LMO2: variants seen among roughly 807,000 people sequenced by gnomAD.
The protein encoded by LMO2 is LIM domain only 2.
In LMO2, 20 loss-of-function variants were observed where a neutral mutation model predicts 23.2. The observed-to-expected ratio is 0.86, with a 90% CI of 0.61 to 1.25. The LOEUF (loss-of-function observed/expected upper bound fraction) is 1.25, where lower values mean the gene tolerates loss of function less well. Ranked by LOEUF, LMO2 falls within the 50% of genes most tolerant of loss-of-function variation. The probability of loss-of-function intolerance (pLI) is 0.00; values close to 1 mark genes in which losing one functional copy is unlikely to be tolerated. For missense variants in LMO2, 270 were observed against 315.3 expected, an observed-to-expected ratio of 0.86 and a Z score of 1.09; for synonymous variants, 123 against 130.2, an observed-to-expected ratio of 0.94 and a Z score of 0.38.
chr11:33,867,943 CTCAGTTT>C (rs1158849830), intron 4 of LMO2, among the ~76,000 whole-genome samples: 1 of 152,210 alleles, frequency 6.6e-6, no homozygotes, highest in Non-Finnish European at 1.5e-5. Context: ...AAACTCAGAG[CTCAGTTT>C]TAAGTTTATT....
chr11:33,878,267 G>C (rs921975354), intron 2 of LMO2, among the ~76,000 whole-genome samples: 14 of 152,092 alleles, frequency 9.2e-5, no homozygotes, highest in Non-Finnish European at 1.9e-4. Context: ...TCTCCTCTCT[G>C]ATCTTAAATA....
chr11:33,884,308 T>C (rs796581998), intron 1 of LMO2, among the ~76,000 whole-genome samples: 34 of 151,914 alleles, frequency 2.2e-4, no homozygotes, highest in African/African-American at 8.0e-4. Flanking sequence ...ATCTGCTCCA[T>C]TGGGGGTCAG....
rs1226758088 is a variant in LMO2 at position 33,869,617 on chromosome 11, C to CCGGGCTGCGGG, written c.8-42_8-32dup. The CCGGGCTGCGGG allele has an allele frequency of 1.8e-5, 23 of 1,267,272 alleles. No individual in the cohort carries two copies. The African/African-American group carries it at 3.7e-4, about 20-fold the overall frequency. 78.5% of individuals were successfully genotyped at this position (1,267,272 alleles called of 1,614,324 possible). On this transcript the variant is annotated intron_variant, in intron 3 of 5. Transcript: ENST00000257818. ...AACGCCAAAGAGAGAGAGCGAATCA[C>CCGGGCTGCGGG]CGGGCTGCGGGCGCGCCGCGGCCGA...
Position 33,871,392 on chromosome 11 carries a change from T to C in LMO2, c.-271-1405A>G, listed in dbSNP as rs573294570. ...CTGAGCAACACAGTGAGACCCCGTT[T>C]CTACAAAAAATAAAAAATAAAAATA... On this transcript the variant is annotated intron_variant, in intron 2 of 5. Transcript: ENST00000257818. Among the ~76,000 whole-genome samples, 20 of 151,900 alleles carry C rather than the reference T, an allele frequency of 1.3e-4. No individual in the cohort carries two copies. In the South Asian group the frequency reaches 4.2e-3, roughly 32 times the overall value.
intron 1 of LMO2, among the ~76,000 whole-genome samples, chr11:33,885,280 G>A (rs3781578): frequency 0.24 from 36,319 of 152,076 alleles, 4,620 homozygotes; most frequent in East Asian, 0.33. Context: ...TAGTTGTGCT[G>A]TGTGGGCCTA....
intron 2 of LMO2, among the ~76,000 whole-genome samples, chr11:33,874,232 A>G (rs1306092995): frequency 6.6e-6 from 1 of 152,224 alleles, no homozygotes; most frequent in Non-Finnish European, 1.5e-5. Context: ...AAGGCCTATT[A>G]GTAACCTTAG....
intron 2 of LMO2, among the ~76,000 whole-genome samples, chr11:33,879,942 C>T (rs914425460): frequency 6.6e-6 from 1 of 151,794 alleles, no homozygotes; most frequent in African/African-American, 2.4e-5. Flanking sequence ...TATGCCGGTT[C>T]CTCAAAAAAT....
chr11:33,873,736 G>A (rs965337398), intron 2 of LMO2, among the ~76,000 whole-genome samples: 2 of 151,626 alleles, frequency 1.3e-5, no homozygotes, highest in Non-Finnish European at 2.9e-5. Context: ...TTTCCTTCCT[G>A]AATAAGAATG....
In LMO2 at chr11:33,864,629, C is replaced by T. The variant is rs1168626051; in HGVS notation, c.437G>A (p.Arg146Gln). The change falls in exon 5 of 6, where the codon CGG becomes CAG. Residue 146 changes from arginine (R) to glutamine (Q), a missense_variant. Physicochemically the swap from Arg to Gln is conservative, Grantham distance 43. Transcript: ENST00000257818. This position sits in a 1 kb window ranked among gnomAD's most constrained non-coding sequence, Gnocchi z 4.8. The part of the protein sequence containing the change: ...VGRRLYYKLG[R>Q]KLCRRDYLRL... The stretch of plus-strand genomic sequence containing the variant: ...GAGATAGTCTCTCCGGCAGAGCTTC[C>T]GGCCCAGTTTGTAGTAGAGGCGCCG... 5 of 1,613,648 alleles carry T rather than the reference C, an allele frequency of 3.1e-6. No individual in the cohort carries two copies. Among genetic ancestry groups the T allele is most frequent in the Admixed American group, 1.7e-5 (1 of 60,000 alleles).
chr11:33,862,934 G>T (rs919738847), intron 5 of LMO2, among the ~76,000 whole-genome samples: 1 of 151,494 alleles, frequency 6.6e-6, no homozygotes, highest in African/African-American at 2.4e-5. Flanking sequence ...TTAACATTGG[G>T]TTCTCCCAGA....
At chr11:33,863,375 A>G (rs1168314655) in intron 5 of LMO2, among the ~76,000 whole-genome samples, 1 of 152,204 alleles carries the variant, frequency 6.6e-6, no homozygotes, top group African/African-American at 2.4e-5. Context: ...TCTTTAGGTA[A>G]AGCTTCCTTC....
chr11:33,885,400 A>G (rs1012101614), intron 1 of LMO2, among the ~76,000 whole-genome samples: 15 of 152,226 alleles, frequency 9.9e-5, no homozygotes, highest in Non-Finnish European at 1.9e-4. Flanking sequence ...GGACAGGGCA[A>G]GACCTAGGAG....
Position 33,869,785 on chromosome 11 carries a change from G to A in LMO2, c.-69C>T, listed in dbSNP as rs966866937. On this transcript the variant is annotated 5_prime_UTR_variant, in exon 3 of 6. Transcript: ENST00000257818. The stretch of plus-strand genomic sequence containing the variant: ...TCGCCGGCTCCGCGCCGCCCGCGGG[G>A]ATGGTGTGCGCCCGCCCGGCCGCCC... 1.0e-5 allele frequency: 12 copies of A among 1,158,496 alleles called. No homozygotes were observed. In the African/African-American group the frequency reaches 2.0e-4, roughly 19 times the overall value. 71.8% of individuals were successfully genotyped at this position (1,158,496 alleles called of 1,614,324 possible). A position where few individuals can be genotyped will look rare whatever the true frequency, so the allele number is the denominator to read the frequency against.
At chr11:33,879,802 A>C (rs1472468383) in intron 2 of LMO2, among the ~76,000 whole-genome samples, 2 of 152,198 alleles carry the variant, frequency 1.3e-5, no homozygotes, top group Non-Finnish European at 2.9e-5. Flanking sequence ...CTACAATGAG[A>C]TACTACTGCA....
At chr11:33,873,272 C>T (rs1857067839) in intron 2 of LMO2, among the ~76,000 whole-genome samples, 1 of 152,086 alleles carries the variant, frequency 6.6e-6, no homozygotes, top group Admixed American at 6.6e-5. Context: ...CTGCATATGA[C>T]TTTGGGTCAG....
At chr11:33,878,962 A>G (rs1305420828) in intron 2 of LMO2, among the ~76,000 whole-genome samples, 2 of 152,204 alleles carry the variant, frequency 1.3e-5, no homozygotes, top group East Asian at 3.8e-4. Context: ...CATGTTATCA[A>G]TTGCCCAGTT....
chr11:33,881,187 C>G (rs946763201), intron 2 of LMO2: 16 of 456,884 alleles, frequency 3.5e-5, no homozygotes, highest in African/African-American at 2.4e-4. Context: ...CCAAAGACTT[C>G]GAGACTGCCG....
intron 2 of LMO2, chr11:33,870,322 A>G (rs1856978650): frequency 7.2e-6 from 7 of 972,800 alleles, no homozygotes; most frequent in Non-Finnish European, 8.6e-6. Flanking sequence ...AAGAAAAGAC[A>G]AGAATGTGAA....
intron 1 of LMO2, among the ~76,000 whole-genome samples, chr11:33,890,730 C>T (rs959254304): frequency 6.6e-6 from 1 of 152,116 alleles, no homozygotes; most frequent in African/African-American, 2.4e-5. Flanking sequence ...ACAACAATGA[C>T]AATGATGACT....
Sources: allele counts gnomAD v4.1 joint callset (sites outside exome capture counted in the v4.1 genomes callset), GRCh38; gene constraint gnomAD v4.1.1; non-coding constraint Gnocchi (gnomAD v3.1); transcripts MANE v1.5; gene names NCBI Gene and HGNC (gene_info 2026-07-23, HGNC 2026-07-21).